The following PBRM1 variants were observed in gnomAD, a reference collection of about 807,000 sequenced individuals.
PBRM1 encodes polybromo 1.
In PBRM1, 27 loss-of-function variants were observed where a neutral mutation model predicts 194.5. The ratio of observed to expected loss-of-function variants is 0.14; its 90% CI spans 0.10 to 0.19. The LOEUF (loss-of-function observed/expected upper bound fraction) is 0.19, where lower values mean the gene tolerates loss of function less well. Among genes scored for constraint, PBRM1 ranks in the 10% least tolerant of loss-of-function variants. PBRM1 has a pLI of 1.00. For missense variants in PBRM1, 1,466 were observed against 2,077.2 expected, an observed-to-expected ratio of 0.71 and a Z score of 5.72; for synonymous variants, 655 against 693.2, an observed-to-expected ratio of 0.94 and a Z score of 0.87.
chr3:52,635,275 T>TA (rs2095763926), intron 10 of PBRM1, among the ~76,000 whole-genome samples: 1 of 152,050 alleles, frequency 6.6e-6, no homozygotes, highest in South Asian at 2.1e-4. Context: ...TTTAAAAAAA[T>TA]AGTCTCTAAG....
At chr3:52,684,699 A>C (rs2097281725), upstream of PBRM1, among the ~76,000 whole-genome samples, 1 of 152,226 alleles carries the variant, frequency 6.6e-6, no homozygotes, top group Non-Finnish European at 1.5e-5. Context: ...ACTTGATAGT[A>C]ATCTATCATA....
chr3:52,632,700 T>C (rs2095660973), intron 11 of PBRM1, among the ~76,000 whole-genome samples: 1 of 151,520 alleles, frequency 6.6e-6, no homozygotes, highest in Admixed American at 6.6e-5. Context: ...TTTTTTTTTT[T>C]TTTTAAGAGA....
At chr3:52,630,840 T>A (rs971127588) in intron 11 of PBRM1, among the ~76,000 whole-genome samples, 2 of 152,206 alleles carry the variant, frequency 1.3e-5, no homozygotes, top group African/African-American at 4.8e-5. Flanking sequence ...AAGAAGGCTG[T>A]GTTGGCAGGG....
In PBRM1 at chr3:52,587,317, A is replaced by T. The variant is rs367766560; in HGVS notation, c.3123+36T>A. ...GTGTTTTAAAATTTTATTCCTAGGG[A>T]ATGAGTGAGACTTTGGGATTTAATG... is the stretch of plus-strand genomic sequence containing the variant. On this transcript the variant is annotated intron_variant, in intron 19 of 29. Transcript: ENST00000296302. 5.6e-6 allele frequency: 8 copies of T among 1,440,300 alleles called. No homozygotes were observed. In the African/African-American group the frequency reaches 1.1e-4, roughly 21 times the overall value. The allele number at this position is 1,440,300 out of a possible 1,614,324, so 89.2% of individuals were successfully genotyped here.
intron 2 of PBRM1, among the ~76,000 whole-genome samples, chr3:52,675,448 G>A (rs1180663496): frequency 6.6e-6 from 1 of 152,178 alleles, no homozygotes; most frequent in African/African-American, 2.4e-5. Flanking sequence ...GAATACTGAT[G>A]CAAAATTTCT....
At chr3:52,571,735 T>C (rs72947566) in intron 22 of PBRM1, among the ~76,000 whole-genome samples, 4,302 of 149,890 alleles carry the variant, frequency 0.029, 217 homozygotes, top group African/African-American at 0.1. Context: ...AATAGAAATA[T>C]TGGGGCTAGG....
At chr3:52,635,219 G>A (rs1560582733) in intron 10 of PBRM1, among the ~76,000 whole-genome samples, 2 of 151,610 alleles carry the variant, frequency 1.3e-5, no homozygotes, top group South Asian at 2.1e-4. Context: ...GAGCCACCAC[G>A]CCTGGCCCTT....
chr3:52,668,890 A>T (rs1234706187), intron 2 of PBRM1, among the ~76,000 whole-genome samples: 1 of 152,110 alleles, frequency 6.6e-6, no homozygotes, highest in Non-Finnish European at 1.5e-5. Context: ...AACCTAAATT[A>T]ACACCTGTGA....
intron 18 of PBRM1, 53 bp from the exon 21 acceptor site, chr3:52,587,563 G>A (rs1488397211): frequency 2.1e-6 from 2 of 972,416 alleles, no homozygotes; most frequent in South Asian, 1.7e-5. Flanking sequence ...ATTGTTAACA[G>A]AAATCACTTT....
Position 52,609,080 on chromosome 3 carries a change from A to G in PBRM1, c.2567+233T>C. The G allele has an allele frequency of 2.4e-6, 1 of 418,744 alleles. No individual in the cohort carries two copies. 25.9% of individuals were successfully genotyped at this position (418,744 alleles called of 1,614,324 possible). A position where few individuals can be genotyped will look rare whatever the true frequency, so the allele number is the denominator to read the frequency against. ...GTTTATGCTTTTCAAGAGATTTTCA[A>G]TTTTGTCTTCCTCCTCACTGGCCTT... On this transcript the variant is annotated intron_variant, in intron 16 of 29. Transcript: ENST00000296302. This position sits in a 1 kb window ranked among gnomAD's most constrained non-coding sequence, Gnocchi z 4.1.
chr3:52,565,583 T>C (rs780732306), intron 22 of PBRM1, among the ~76,000 whole-genome samples: 1 of 151,378 alleles, frequency 6.6e-6, no homozygotes, highest in East Asian at 1.9e-4. Context: ...AGTGAAAAGA[T>C]AAGCCATAGA....
intron 22 of PBRM1, among the ~76,000 whole-genome samples, chr3:52,566,794 G>A (rs2085350446): frequency 6.6e-6 from 1 of 152,118 alleles, no homozygotes; most frequent in South Asian, 2.1e-4. Context: ...ATTTAAAAAC[G>A]GTTAAGGCTG....
At chr3:52,582,411 CT>C (rs374555187) in intron 20 of PBRM1, among the ~76,000 whole-genome samples, 3,585 of 128,754 alleles carry the variant, frequency 0.028, 136 homozygotes, top group African/African-American at 0.094. Context: ...ATTGATAATT[CT>C]TTTTTTTTTT....
chr3:52,661,732 G>C (rs193263070), intron 4 of PBRM1, among the ~76,000 whole-genome samples: 31 of 152,298 alleles, frequency 2.0e-4, no homozygotes, highest in Non-Finnish European at 3.7e-4. Flanking sequence ...GAGGTTCTAG[G>C]AACAGTAACT....
intron 2 of PBRM1, among the ~76,000 whole-genome samples, chr3:52,676,876 T>C (rs984166987): frequency 6.6e-6 from 1 of 152,196 alleles, no homozygotes; most frequent in African/African-American, 2.4e-5. Context: ...GTGACTTTTG[T>C]TATGTTTTAG....
chr3:52,598,553 A>G (rs2093737392), intron 17 of PBRM1, among the ~76,000 whole-genome samples: 1 of 152,192 alleles, frequency 6.6e-6, no homozygotes, highest in South Asian at 2.1e-4. Context: ...ATAATATCCC[A>G]TTGGATGAAT....
exon 12 of PBRM1, chr3:52,629,000 T>C (rs778123731): frequency 1.9e-6 from 3 of 1,609,862 alleles, no homozygotes; most frequent in Non-Finnish European, 2.5e-6. Context: ...CTCCAAATGA[T>C]CTAAAGTTTC....
Position 52,668,486 on chromosome 3 carries a change from A to G in PBRM1, c.384+12T>C, listed in dbSNP as rs1243647173. The G allele has an allele frequency of 5.1e-6, 8 of 1,574,702 alleles. No homozygotes were observed. Among genetic ancestry groups the G allele is most frequent in the African/African-American group, 4.1e-5 (3 of 72,672 alleles). On this transcript the variant is annotated intron_variant, in intron 3 of 29. Transcript: ENST00000296302. ...TCCAATTGGTATCTTTCCAAATTTC[A>G]TAATTTCTTACCTTATAATAGGACT...
chr3:52,617,752 G>A (rs1310992702), intron 13 of PBRM1, among the ~76,000 whole-genome samples: 1 of 152,020 alleles, frequency 6.6e-6, no homozygotes, highest in African/African-American at 2.4e-5. Context: ...ATTCTGGCAG[G>A]AGCAGTTAAT....
Sources: allele counts gnomAD v4.1 joint callset (sites outside exome capture counted in the v4.1 genomes callset), GRCh38; gene constraint gnomAD v4.1.1; non-coding constraint Gnocchi (gnomAD v3.1); transcripts MANE v1.5; gene names NCBI Gene and HGNC (gene_info 2026-07-23, HGNC 2026-07-21).